The following GALNTL6 variants were observed in gnomAD, a reference collection of about 807,000 sequenced individuals.
GALNTL6 encodes the protein polypeptide N-acetylgalactosaminyltransferase like 6.
A neutral mutation model predicts 73.7 loss-of-function variants in GALNTL6; 46 were observed. The ratio of observed to expected loss-of-function variants is 0.62; its 90% CI spans 0.49 to 0.80. The LOEUF (loss-of-function observed/expected upper bound fraction) is 0.80. GALNTL6 is among the 30% of genes least tolerant of loss of function. GALNTL6 has a pLI of 0.00. For synonymous variants in GALNTL6, 259 were observed against 263.7 expected, an observed-to-expected ratio of 0.98 and a Z score of 0.17; for missense variants, 604 against 755.0, an observed-to-expected ratio of 0.80 and a Z score of 2.34.
intron 2 of GALNTL6, among the ~76,000 whole-genome samples, chr4:172,113,083 T>A (rs1732898626): frequency 6.6e-6 from 1 of 151,956 alleles, no homozygotes; most frequent in Admixed American, 6.6e-5. Flanking sequence ...GTAGGTAAAT[T>A]TCTTGTTAAG....
intron 2 of GALNTL6, among the ~76,000 whole-genome samples, chr4:171,842,835 C>T (rs948513664): frequency 1.3e-5 from 2 of 152,254 alleles, no homozygotes; most frequent in Admixed American, 6.5e-5. Flanking sequence ...AGGGCACAAA[C>T]ATCCAAACGG....
chr4:171,816,949 T>C (rs1734540665), intron 2 of GALNTL6, among the ~76,000 whole-genome samples: 1 of 152,068 alleles, frequency 6.6e-6, no homozygotes, highest in African/African-American at 2.4e-5. Context: ...AATGTATGTG[T>C]ATATTGCAAT....
intron 2 of GALNTL6, among the ~76,000 whole-genome samples, chr4:171,962,159 G>A (rs1190423167): frequency 6.6e-6 from 1 of 152,178 alleles, no homozygotes; most frequent in Non-Finnish European, 1.5e-5. Context: ...AGAAGTTACA[G>A]AAGATGGATC....
At chr4:172,868,947 C>T (rs2111158200) in intron 7 of GALNTL6, among the ~76,000 whole-genome samples, 1 of 152,272 alleles carries the variant, frequency 6.6e-6, no homozygotes, top group East Asian at 1.9e-4. Flanking sequence ...CTGGCCATTA[C>T]CTCTCAGCAC....
intron 2 of GALNTL6, among the ~76,000 whole-genome samples, chr4:172,060,794 C>T (rs1731175464): frequency 6.6e-6 from 1 of 152,160 alleles, no homozygotes; most frequent in Non-Finnish European, 1.5e-5. Flanking sequence ...ATAGAAATAA[C>T]ATTTTTCTGC....
chr4:172,756,922 T>C (rs1737787492), intron 5 of GALNTL6, among the ~76,000 whole-genome samples: 1 of 152,228 alleles, frequency 6.6e-6, no homozygotes, highest in Non-Finnish European at 1.5e-5. Flanking sequence ...AATTATATTT[T>C]ACAAGTTTTT....
intron 5 of GALNTL6, among the ~76,000 whole-genome samples, chr4:172,773,518 T>G (rs570716666): frequency 7.0e-4 from 107 of 152,122 alleles, no homozygotes; most frequent in African/African-American, 2.5e-3. Flanking sequence ...AGTAAAGAAC[T>G]GAGGGCATTT....
intron 5 of GALNTL6, among the ~76,000 whole-genome samples, chr4:172,631,289 C>T (rs1406386455): frequency 5.3e-5 from 8 of 151,880 alleles, no homozygotes; most frequent in Admixed American, 2.0e-4. Context: ...AGACTACAGG[C>T]ACACACCACC....
At position 172,229,746 on chromosome 4, in the gene GALNTL6, A is replaced by G. The variant is rs1350022317; in HGVS notation, c.229A>G (p.Lys77Glu). 1 of 1,611,786 alleles carries G rather than the reference A, an allele frequency of 6.2e-7. No homozygotes were observed. The highest frequency in any genetic ancestry group is 8.5e-7 in the Non-Finnish European group (1 of 1,178,060). Reference sequence around the variant, plus strand: ...CTGGCATGACTATGAAAGCATTCAGAAAGAGGCTATGCGCTCAGGTATGAA... The same window carrying G: ...CTGGCATGACTATGAAAGCATTCAGGAAGAGGCTATGCGCTCAGGTATGAA... ...KDWHDYESIQ[K>E]EAMRSGKGEH... Residue 77 changes from lysine (K) to glutamate (E), a missense_variant, in exon 3 of 13, where the codon AAA becomes GAA. By Grantham distance (56) the Lys-to-Glu change is moderately conservative. Transcript: ENST00000506823.
intron 2 of GALNTL6, among the ~76,000 whole-genome samples, chr4:171,852,374 G>GC (rs1251887674): frequency 6.6e-6 from 1 of 151,858 alleles, no homozygotes. Flanking sequence ...GGTGGTGGTG[G>GC]CCGTATTCAG....
chr4:172,390,725 ATAAC>A (rs1192811183), intron 5 of GALNTL6, among the ~76,000 whole-genome samples: 1 of 152,240 alleles, frequency 6.6e-6, no homozygotes, highest in East Asian at 1.9e-4. Context: ...AATAATAAAT[ATAAC>A]TAAGTATGAC....
intron 5 of GALNTL6, among the ~76,000 whole-genome samples, chr4:172,535,280 T>A (rs776941623): frequency 9.2e-5 from 14 of 152,220 alleles, no homozygotes; most frequent in Non-Finnish European, 1.6e-4. Flanking sequence ...TGATGAAGAA[T>A]CATCTTTGCA....
At chr4:172,992,810 T>C (rs897009017) in intron 10 of GALNTL6, among the ~76,000 whole-genome samples, 1 of 152,186 alleles carries the variant, frequency 6.6e-6, no homozygotes, top group Non-Finnish European at 1.5e-5. Context: ...GTTTCTAATC[T>C]TGTGAATAAT....
intron 3 of GALNTL6, among the ~76,000 whole-genome samples, chr4:172,233,111 GC>G (rs572390668): frequency 4.2e-4 from 64 of 151,016 alleles, no homozygotes; most frequent in Middle Eastern, 3.4e-3. Context: ...GCTCACATCT[GC>G]AATCCCAGCA....
chr4:171,884,683 T>G (rs1736559189), intron 2 of GALNTL6, among the ~76,000 whole-genome samples: 1 of 152,128 alleles, frequency 6.6e-6, no homozygotes, highest in Non-Finnish European at 1.5e-5. Context: ...TTTGGGTCAT[T>G]TGTGGTAACT....
At chr4:171,946,084 C>G (rs1325613950) in intron 2 of GALNTL6, among the ~76,000 whole-genome samples, 1 of 152,070 alleles carries the variant, frequency 6.6e-6, no homozygotes, top group African/African-American at 2.4e-5. Context: ...AGCAGCTTAA[C>G]AGATAGAATT....
intron 3 of GALNTL6, among the ~76,000 whole-genome samples, chr4:172,238,438 C>T (rs1222314925): frequency 6.6e-6 from 1 of 152,026 alleles, no homozygotes; most frequent in African/African-American, 2.4e-5. Flanking sequence ...ACTAATGTTT[C>T]TACATTGATT....
chr4:171,913,887 A>G (rs1357944695), intron 2 of GALNTL6, among the ~76,000 whole-genome samples: 2 of 152,218 alleles, frequency 1.3e-5, no homozygotes, highest in Non-Finnish European at 2.9e-5. Flanking sequence ...CTTCCTTTTC[A>G]ACACAATACT....
intron 5 of GALNTL6, among the ~76,000 whole-genome samples, chr4:172,579,132 C>T (rs941358074): frequency 4.6e-5 from 7 of 152,118 alleles, no homozygotes; most frequent in African/African-American, 1.4e-4. Flanking sequence ...CATCAAATTA[C>T]GTACTATGCA....
Sources: allele counts gnomAD v4.1 joint callset (sites outside exome capture counted in the v4.1 genomes callset), GRCh38; gene constraint gnomAD v4.1.1; transcripts MANE v1.5; gene names NCBI Gene and HGNC (gene_info 2026-07-23, HGNC 2026-07-21).